Variants in OSBPL5 observed in about 807,000 individuals in gnomAD.
OSBPL5 encodes the protein oxysterol binding protein like 5.
In OSBPL5, 71 loss-of-function variants were observed where a neutral mutation model predicts 111.2. The ratio of observed to expected loss-of-function variants is 0.64; its 90% CI spans 0.53 to 0.78. The LOEUF (loss-of-function observed/expected upper bound fraction) is 0.78, where lower values mean the gene tolerates loss of function less well. Among genes scored for constraint, OSBPL5 ranks in the 30% least tolerant of loss-of-function variants. The probability of loss-of-function intolerance (pLI) is 0.00; values close to 1 mark genes in which losing one functional copy is unlikely to be tolerated. For synonymous variants in OSBPL5, 549 were observed against 513.9 expected, an observed-to-expected ratio of 1.07 and a Z score of -0.93; for missense variants, 1,210 against 1,189.3, an observed-to-expected ratio of 1.02 and a Z score of -0.26.
At position 3,120,714 on chromosome 11, in the gene OSBPL5, C is replaced by T. The variant is rs1858378819; in HGVS notation, c.403-90G>A. 7 of 1,443,698 alleles carry T rather than the reference C, an allele frequency of 4.8e-6. No individual in the cohort carries two copies. The South Asian group carries it at 7.4e-5, about 15-fold the overall frequency. 89.4% of individuals were successfully genotyped at this position (1,443,698 alleles called of 1,614,324 possible). ...GGCTTGGCGGGGAGCCAGGCACAGA[C>T]CAGGGTGGGCTGCCGAGGGGCCCTT... On this transcript the variant is annotated intron_variant, in intron 5 of 21. Transcript: ENST00000263650.
chr11:3,088,024 AGAGGGGCCCAGCACACCTGGGCCCGCAGC>A lies in OSBPL5; in HGVS notation c.*152_*180del. ...CCCTGCAGAGAGGCCAGTGCCCCTG[AGAGGGGCCCAGCACACCTGGGCCCGCAGC>A]GCCTTGTGGCCCCGGGTCCCTCCTG... is the stretch of plus-strand genomic sequence containing the variant. On this transcript the variant is annotated 3_prime_UTR_variant, in exon 22 of 22. Transcript: ENST00000263650. 3.9e-6 allele frequency: 2 copies of A among 513,708 alleles called. No individual in the cohort carries two copies. The highest frequency in any genetic ancestry group is 6.8e-5 in the East Asian group (2 of 29,236). The allele number at this position is 513,708 out of a possible 1,614,324, so 31.8% of individuals were successfully genotyped here.
chr11:3,123,929 C>T (rs1858509514), intron 3 of OSBPL5, among the ~76,000 whole-genome samples: 1 of 152,222 alleles, frequency 6.6e-6, no homozygotes, highest in Admixed American at 6.5e-5. Flanking sequence ...GTCCTGGCAG[C>T]ACTGGGCACC....
At chr11:3,098,558 T>C (rs886368769) in intron 14 of OSBPL5, among the ~76,000 whole-genome samples, 1 of 133,342 alleles carries the variant, frequency 7.5e-6, no homozygotes, top group Non-Finnish European at 1.5e-5. Context: ...CAGGCTGGAG[T>C]GCAATGACAT....
At position 3,089,729 on chromosome 11, in the gene OSBPL5, G is replaced by C. The variant is rs555500613; in HGVS notation, c.2501+117C>G. 3 of 914,302 alleles carry C rather than the reference G, an allele frequency of 3.3e-6. No individual in the cohort carries two copies. In the East Asian group the frequency reaches 8.0e-5, roughly 24 times the overall value. 56.6% of individuals were successfully genotyped at this position (914,302 alleles called of 1,614,324 possible). ...CACCCTGCAGGTCTTGTGGGTTCCAGCTCCGATGACAACCCCAGCCGCGGC... is the reference window on the plus strand; with the variant it reads ...CACCCTGCAGGTCTTGTGGGTTCCACCTCCGATGACAACCCCAGCCGCGGC... On this transcript the variant is annotated intron_variant, in intron 21 of 21. Coordinates refer to ENST00000263650, the MANE Select transcript of OSBPL5 (RefSeq NM_020896.4).
At position 3,161,620 on chromosome 11, in the gene OSBPL5, C is replaced by T. The variant is rs191845176; in HGVS notation, c.-22+3596G>A. Among the ~76,000 whole-genome samples the T allele has an allele frequency of 4.3e-4, 65 of 152,284 alleles. No homozygotes were observed. The highest frequency in any genetic ancestry group is 1.7e-3 in the East Asian group (9 of 5,172). ...GGCAACCGTGCATGGGGACAGACAC[C>T]GCGCACCAGCGGCACCCACCAGGGA... On this transcript the variant is annotated intron_variant, in intron 1 of 21. Transcript: ENST00000263650. The surrounding 1 kb of genome is among the most constrained non-coding windows in gnomAD (Gnocchi z 8.0).
Position 3,094,327 on chromosome 11 carries a change from C to T in OSBPL5, c.1629G>A (p.Leu543=). The T allele has an allele frequency of 1.2e-6, 2 of 1,613,330 alleles. No individual in the cohort carries two copies. Among genetic ancestry groups the T allele is most frequent in the Non-Finnish European group, 1.7e-6 (2 of 1,179,912 alleles). ...TMPYAHCKGI[L]YGTMTLELGG... ...CCAGCTCCAGGGTCATCGTGCCATA[C>T]AGGATTCCTGAAATGCAGCCAGTGT... Residue 543 remains leucine, a synonymous_variant, in exon 15 of 22, where the codon CTG becomes CTA. Coordinates refer to ENST00000263650, the MANE Select transcript of OSBPL5 (RefSeq NM_020896.4).
chr11:3,093,745 C>T lies in OSBPL5; in HGVS notation c.1809+1G>A, dbSNP rs1857149109. The T allele has an allele frequency of 6.2e-7, 1 of 1,613,076 alleles. No homozygotes were observed. On this transcript the variant is annotated splice_donor_variant, in intron 16 of 21. Coordinates refer to ENST00000263650, the MANE Select transcript of OSBPL5 (RefSeq NM_020896.4). LOFTEE classifies it high-confidence loss of function. ...GCCTGCCCTGAGGGACGGCCCCTTA[C>T]CCAGTGGCCACTGAGGCTCGCCAGG...
chr11:3,103,807 TCTTCCTGCCTGCGCAGCC>T (rs1564830356), intron 10 of OSBPL5, among the ~76,000 whole-genome samples: 37 of 44,506 alleles, frequency 8.3e-4, no homozygotes, highest in Admixed American at 7.0e-3. Context: ...TCTGCAGCCC[TCTTCCTGCCTGCGCAGCC>T]CCCTTCCAGC....
In OSBPL5 at chr11:3,114,591, A is replaced by ACTTTTTTTTTTTTTT. The variant is rs774192603; in HGVS notation, c.691+4955_691+4956insAAAAAAAAAAAAAAG. ...GACTAAAGAATTGGTTAGAACAATG[A>ACTTTTTTTTTTTTTT]TTTTTTTTTTTTTTTTTTTTTTTTT... On this transcript the variant is annotated intron_variant, in intron 7 of 21. Transcript: ENST00000263650. 2.4e-4 allele frequency among the ~76,000 whole-genome samples: 27 copies of ACTTTTTTTTTTTTTT among 113,902 alleles called. 9 individuals carry two copies. The highest frequency in any genetic ancestry group is 3.9e-4 in the African/African-American group (11 of 28,410). The allele number at this position is 113,902 out of a possible 152,430, so 74.7% of individuals were successfully genotyped here.
rs1350467268 is a variant in OSBPL5, at chr11:3,088,053, C to T, written c.*152G>A. 55 of 601,426 alleles carry T rather than the reference C, an allele frequency of 9.1e-5. No individual in the cohort carries two copies. Among genetic ancestry groups the T allele is most frequent in the Non-Finnish European group, 1.3e-4 (53 of 397,892 alleles). The allele number at this position is 601,426 out of a possible 1,614,324, so 37.3% of individuals were successfully genotyped here. A position where few individuals can be genotyped will look rare whatever the true frequency, so the allele number is the denominator to read the frequency against. On this transcript the variant is annotated 3_prime_UTR_variant, in exon 22 of 22. Coordinates refer to ENST00000263650, the MANE Select transcript of OSBPL5 (RefSeq NM_020896.4). ...GGGCCCAGCACACCTGGGCCCGCAG[C>T]GCCTTGTGGCCCCGGGTCCCTCCTG... is the stretch of plus-strand genomic sequence containing the variant.
chr11:3,144,377 C>T (rs370225246), intron 1 of OSBPL5, among the ~76,000 whole-genome samples: 1 of 152,192 alleles, frequency 6.6e-6, no homozygotes, highest in Non-Finnish European at 1.5e-5. Context: ...ACGCTGGCAG[C>T]GGTGGACTAT....
Position 3,100,150 on chromosome 11 carries a change from C to T in OSBPL5, c.1621+8G>A. ...TCTGCCCTCGGAGTGTGTGGCTGAG[C>T]CTCTCACCTTTGCAGTGGGCGTAGG... On this transcript the variant is annotated splice_region_variant and intron_variant, in intron 14 of 21. Coordinates refer to ENST00000263650, the MANE Select transcript of OSBPL5 (RefSeq NM_020896.4). 1 of 1,613,658 alleles carries T rather than the reference C, an allele frequency of 6.2e-7. No individual in the cohort carries two copies. Among genetic ancestry groups the T allele is most frequent in the Admixed American group, 1.7e-5 (1 of 59,976 alleles).
intron 7 of OSBPL5, among the ~76,000 whole-genome samples, chr11:3,112,024 CATGTGT>C (rs1857977867): frequency 2.3e-5 from 1 of 42,648 alleles, no homozygotes; most frequent in Non-Finnish European, 6.5e-5. Flanking sequence ...CATGTGTGTG[CATGTGT>C]GTGTATGTGT....
chr11:3,131,137 CT>C (rs1485924510), intron 1 of OSBPL5, among the ~76,000 whole-genome samples: 1 of 152,140 alleles, frequency 6.6e-6, no homozygotes, highest in East Asian at 1.9e-4. Context: ...CCAGTTCCAC[CT>C]GGGCCAAGGT....
chr11:3,103,806 CTCTT>C (rs1564830327), intron 10 of OSBPL5, among the ~76,000 whole-genome samples: 70 of 112,224 alleles, frequency 6.2e-4, no homozygotes, highest in South Asian at 8.2e-4. Flanking sequence ...CTCTGCAGCC[CTCTT>C]CCTGCCTGCG....
rs142779138 is a variant in OSBPL5 at position 3,143,826 on chromosome 11, G to C, written c.-21-14657C>G. 3.8e-3 allele frequency among the ~76,000 whole-genome samples: 572 copies of C among 152,342 alleles called. 3 individuals carry two copies. The highest frequency in any genetic ancestry group is 6.8e-3 in the Middle Eastern group (2 of 294). ...TGGTTTGCTTTACTGCAGCCCAGGGGGATCCTCCTAGCTCCTGGCCGTGGT... is the reference window on the plus strand; with the variant it reads ...TGGTTTGCTTTACTGCAGCCCAGGGCGATCCTCCTAGCTCCTGGCCGTGGT... On this transcript the variant is annotated intron_variant, in intron 1 of 21. Coordinates refer to ENST00000263650, the MANE Select transcript of OSBPL5 (RefSeq NM_020896.4).
At chr11:3,096,384 C>T (rs143148766) in intron 14 of OSBPL5, among the ~76,000 whole-genome samples, 3 of 151,956 alleles carry the variant, frequency 2.0e-5, no homozygotes, top group Non-Finnish European at 2.9e-5. Context: ...TTTGGGAGGC[C>T]GAGGTAGGCT....
intron 1 of OSBPL5, among the ~76,000 whole-genome samples, chr11:3,148,823 G>C (rs1269722356): frequency 1.3e-5 from 2 of 152,232 alleles, no homozygotes; most frequent in Non-Finnish European, 2.9e-5. Flanking sequence ...GTGACAACCA[G>C]CTAGATAAGA....
Position 3,126,466 on chromosome 11 carries a change from C to T in OSBPL5, c.219+7G>A. The T allele has an allele frequency of 6.2e-7, 1 of 1,607,250 alleles. No homozygotes were observed. The highest frequency in any genetic ancestry group is 8.5e-7 in the Non-Finnish European group (1 of 1,178,034). ...GCTCATGGATCCTCCTATACCCAGG[C>T]TCTTACCGGTGGCACCTTCGTGGCA... On this transcript the variant is annotated splice_region_variant and intron_variant, in intron 3 of 21. Transcript: ENST00000263650. The surrounding 1 kb of genome is among the most constrained non-coding windows in gnomAD (Gnocchi z 6.5).
Sources: allele counts gnomAD v4.1 joint callset (sites outside exome capture counted in the v4.1 genomes callset), GRCh38; gene constraint gnomAD v4.1.1; non-coding constraint Gnocchi (gnomAD v3.1); transcripts MANE v1.5; gene names NCBI Gene and HGNC (gene_info 2026-07-23, HGNC 2026-07-21).